Variants in KCNIP4 observed in about 807,000 individuals in gnomAD.
KCNIP4 encodes potassium voltage-gated channel interacting protein 4.
A neutral mutation model predicts 34.0 loss-of-function variants in KCNIP4; 12 were observed. That is an observed-to-expected ratio of 0.35 (90% CI 0.23 to 0.57). KCNIP4 has a LOEUF of 0.57. KCNIP4 is among the 20% of genes least tolerant of loss of function. The pLI, the probability that KCNIP4 is intolerant of heterozygous loss-of-function variation, is 0.83. For synonymous variants in KCNIP4, 124 were observed against 102.2 expected (o/e 1.21, Z -1.29); for missense variants, 238 against 311.7 (o/e 0.76, Z 1.78).
At chr4:21,465,347 C>A (rs571747629) in intron 1 of KCNIP4, among the ~76,000 whole-genome samples, 9 of 152,174 alleles carry the variant, frequency 5.9e-5, no homozygotes, top group South Asian at 2.1e-4. Context: ...CTTTCCAGAT[C>A]AATGCTGGAT....
At position 21,528,019 on chromosome 4, in the gene KCNIP4, G is replaced by A. The variant is rs182818688; in HGVS notation, c.61+420552C>T. Among the ~76,000 whole-genome samples, 206 of 152,204 alleles carry A rather than the reference G, an allele frequency of 1.4e-3. 3 individuals carry two copies. The highest frequency in any genetic ancestry group is 4.6e-3 in the African/African-American group (191 of 41,512). ...CCTTACTTCCTGAAGGAACTGCCAC[G>A]GGGTCGGTCCTAATCAGCACTTCAT... On this transcript the variant is annotated intron_variant, in intron 1 of 8. Coordinates refer to ENST00000382152, the MANE Select transcript of KCNIP4 (RefSeq NM_025221.6).
chr4:21,942,349 C>T (rs1303547916), intron 1 of KCNIP4, among the ~76,000 whole-genome samples: 1 of 152,114 alleles, frequency 6.6e-6, no homozygotes, highest in Non-Finnish European at 1.5e-5. Context: ...AGATGTGAGG[C>T]CCCTCAGACT....
chr4:21,445,886 C>T (rs1228840114), intron 1 of KCNIP4, among the ~76,000 whole-genome samples: 1 of 151,968 alleles, frequency 6.6e-6, no homozygotes, highest in Non-Finnish European at 1.5e-5. Flanking sequence ...TGACAAAGGG[C>T]TAATACTCAG....
chr4:21,835,593 G>GTT (rs879922454), intron 1 of KCNIP4, among the ~76,000 whole-genome samples: 2 of 115,108 alleles, frequency 1.7e-5, no homozygotes, highest in African/African-American at 2.7e-5. Flanking sequence ...TTTTTTGTTA[G>GTT]TTTTTTTTTG....
At chr4:21,226,734 A>T (rs1190676048) in intron 1 of KCNIP4, among the ~76,000 whole-genome samples, 3 of 152,224 alleles carry the variant, frequency 2.0e-5, no homozygotes, top group Non-Finnish European at 4.4e-5. Context: ...TTATCTATTG[A>T]GAAATTTACA....
chr4:21,192,476 A>C (rs1172236085), intron 1 of KCNIP4, among the ~76,000 whole-genome samples: 1 of 152,170 alleles, frequency 6.6e-6, no homozygotes, highest in African/African-American at 2.4e-5. Flanking sequence ...AAAGAGAAAA[A>C]TTAACAGAGC....
At chr4:21,252,198 G>T (rs1224535002) in intron 1 of KCNIP4, among the ~76,000 whole-genome samples, 1 of 150,028 alleles carries the variant, frequency 6.7e-6, no homozygotes, top group Middle Eastern at 3.4e-3. Flanking sequence ...CGCAATCTCG[G>T]CTCACTGCAA....
At chr4:21,303,997 C>T in intron 1 of KCNIP4, 1 of 1,290,468 alleles carries the variant, frequency 7.7e-7, no homozygotes, top group Non-Finnish European at 1.0e-6. Context: ...ATTAAGAAGG[C>T]TACTGCTGGA....
At chr4:20,767,138 A>G (rs941747428) in intron 3 of KCNIP4, 4 of 152,254 alleles carry the variant, frequency 2.6e-5, no homozygotes, top group Non-Finnish European at 5.9e-5. Context: ...CAATGCCGAT[A>G]GACCAAGGAT....
At chr4:20,772,899 G>T (rs746823099) in intron 3 of KCNIP4, among the ~76,000 whole-genome samples, 1 of 152,064 alleles carries the variant, frequency 6.6e-6, no homozygotes, top group Non-Finnish European at 1.5e-5. Flanking sequence ...CTCTCAAAGT[G>T]CTGGCATTAC....
intron 3 of KCNIP4, among the ~76,000 whole-genome samples, chr4:20,786,928 A>ACG (rs1560464614): frequency 1.3e-5 from 2 of 152,178 alleles, no homozygotes; most frequent in East Asian, 3.9e-4. Flanking sequence ...CCGATAAAGT[A>ACG]TCTCCCATCT....
intron 3 of KCNIP4, among the ~76,000 whole-genome samples, chr4:20,842,581 CAAAAAAAAAAAA>C (rs59134256): frequency 4.2e-4 from 29 of 69,694 alleles, no homozygotes; most frequent in African/African-American, 1.3e-3. Flanking sequence ...CTTCTAATGG[CAAAAAAAAAAAA>C]AAAAAAAAAA....
intron 1 of KCNIP4, among the ~76,000 whole-genome samples, chr4:21,528,747 GAAAGAAAGAAAGAAAGAAAGA>G (rs1736293947): frequency 1.3e-4 from 1 of 7,900 alleles, no homozygotes; most frequent in Non-Finnish European, 2.3e-4. Context: ...AAGAAAGAAA[GAAAGAAAGAAAGAAAGAAAGA>G]AAGAAAGAAA....
At chr4:21,250,166 G>A (rs1408154414) in intron 1 of KCNIP4, among the ~76,000 whole-genome samples, 15 of 147,634 alleles carry the variant, frequency 1.0e-4, no homozygotes, top group African/African-American at 3.3e-4. Context: ...AACCACAGGT[G>A]GACATAAAAG....
chr4:21,584,757 T>G (rs1741486948), intron 1 of KCNIP4, among the ~76,000 whole-genome samples: 1 of 152,146 alleles, frequency 6.6e-6, no homozygotes, highest in Middle Eastern at 3.4e-3. Context: ...TACACTTTAG[T>G]GCTGGAATAA....
intron 1 of KCNIP4, among the ~76,000 whole-genome samples, chr4:21,713,577 G>A (rs1713913554): frequency 2.0e-5 from 3 of 152,138 alleles, no homozygotes; most frequent in Non-Finnish European, 1.5e-5. Flanking sequence ...CCATCACCTC[G>A]AGTATTTGTC....
chr4:21,738,863 A>T (rs753290111), intron 1 of KCNIP4, among the ~76,000 whole-genome samples: 5 of 152,204 alleles, frequency 3.3e-5, no homozygotes, highest in Non-Finnish European at 4.4e-5. Context: ...ATAGACATAC[A>T]TGATGATCTA....
intron 1 of KCNIP4, among the ~76,000 whole-genome samples, chr4:21,553,138 T>TA (rs1449413424): frequency 9.5e-6 from 1 of 105,704 alleles, no homozygotes; most frequent in African/African-American, 3.4e-5. Flanking sequence ...TCTGAAAGCT[T>TA]AAAGGGGGGG....
intron 3 of KCNIP4, among the ~76,000 whole-genome samples, chr4:20,812,137 T>C (rs1715851076): frequency 1.3e-5 from 2 of 152,222 alleles, no homozygotes; most frequent in African/African-American, 2.4e-5. Context: ...AGAGCTAAAA[T>C]AGCAGCTTGA....
Sources: gnomAD v4.1 joint callset for allele counts (sites outside exome capture counted in the v4.1 genomes callset) on GRCh38, gnomAD v4.1.1 for gene constraint, MANE v1.5 for transcripts, NCBI Gene and HGNC (gene_info 2026-07-23, HGNC 2026-07-21) for gene names.